CPNE8: variants seen among roughly 807,000 people sequenced by gnomAD.
CPNE8 encodes copine 8, also known as copine-8.
Under a neutral mutation model 81.5 loss-of-function variants are expected in CPNE8, and 45 were observed. The ratio of observed to expected loss-of-function variants is 0.55; its 90% confidence interval spans 0.44 to 0.71. CPNE8 has a LOEUF of 0.71. Among genes scored for constraint, CPNE8 ranks in the 30% least tolerant of loss-of-function variants. CPNE8 has a pLI of 0.00. For missense variants in CPNE8, 594 were observed against 672.1 expected, an observed-to-expected ratio of 0.88 and a Z score of 1.28; for synonymous variants, 252 against 226.3, an observed-to-expected ratio of 1.11 and a Z score of -1.02.
intron 3 of CPNE8, among the ~76,000 whole-genome samples, chr12:38,855,411 C>A (rs1183620399): frequency 3.3e-5 from 5 of 151,980 alleles, no homozygotes; most frequent in Non-Finnish European, 7.4e-5. Flanking sequence ...TCCCATATAG[C>A]CAAAGTAACC....
chr12:38,838,198 A>G (rs1272088521), intron 5 of CPNE8, among the ~76,000 whole-genome samples: 1 of 152,144 alleles, frequency 6.6e-6, no homozygotes, highest in African/African-American at 2.4e-5. Context: ...CAGAAACTAT[A>G]TTCAGGGAGA....
In CPNE8 at chr12:38,834,105, T is replaced by A. The variant is rs547198259; in HGVS notation, c.331-4650A>T. Among the ~76,000 whole-genome samples, 18 of 151,980 alleles carry A rather than the reference T, an allele frequency of 1.2e-4. No individual in the cohort carries two copies. The South Asian group carries it at 3.1e-3, about 26-fold the overall frequency. On this transcript the variant is annotated intron_variant, in intron 5 of 19. Transcript: ENST00000331366. ...AGTGTGGATGAAAGCCATTGGAGGG[T>A]TTAAACTGGAAAGCGACATGTCCTA...
chr12:38,792,630 A>T (rs1167613133), intron 6 of CPNE8, among the ~76,000 whole-genome samples: 2 of 151,828 alleles, frequency 1.3e-5, no homozygotes, highest in African/African-American at 4.8e-5. Flanking sequence ...CAATGGTTCA[A>T]CTACAGAATC....
intron 1 of CPNE8, among the ~76,000 whole-genome samples, chr12:38,901,175 C>T (rs1459704139): frequency 1.3e-5 from 2 of 152,112 alleles, no homozygotes; most frequent in Admixed American, 6.5e-5. Flanking sequence ...GAGCAGAGAT[C>T]GCACCACTGC....
At chr12:38,798,370 C>T (rs1242758244) in intron 6 of CPNE8, among the ~76,000 whole-genome samples, 1 of 152,102 alleles carries the variant, frequency 6.6e-6, no homozygotes, top group Non-Finnish European at 1.5e-5. Flanking sequence ...ACTCTACAAG[C>T]CAGAAGACAG....
intron 11 of CPNE8, among the ~76,000 whole-genome samples, chr12:38,729,729 G>C (rs1362136248): frequency 6.6e-6 from 1 of 151,986 alleles, no homozygotes; most frequent in Non-Finnish European, 1.5e-5. Context: ...GAATAACAGT[G>C]CTAGAACATA....
chr12:38,821,910 C>T (rs1053317540), intron 6 of CPNE8, among the ~76,000 whole-genome samples: 1 of 152,174 alleles, frequency 6.6e-6, no homozygotes, highest in African/African-American at 2.4e-5. Flanking sequence ...ACCTCAGAAG[C>T]TTGTGTATAA....
At position 38,905,487 on chromosome 12, in the gene CPNE8, C is replaced by T. The variant is rs1412313016; in HGVS notation, c.48G>A (p.Gln16=). The change falls in exon 1 of 20, where the codon CAG becomes CAA. Residue 16 remains glutamine (Q), a synonymous_variant. Transcript: ENST00000331366. ...NSTAGIGDLN[Q]LSAAIPATRV... is the part of the protein sequence containing the mutation. ...GCGTGGCCGGGATGGCAGCGCTCAGCTGGTTCAAGTCCCCGATGCCCGCAG... is the reference window on the plus strand; with the variant it reads ...GCGTGGCCGGGATGGCAGCGCTCAGTTGGTTCAAGTCCCCGATGCCCGCAG... 1.3e-6 allele frequency: 2 copies of T among 1,576,790 alleles called. No individual in the cohort carries two copies. Among genetic ancestry groups the T allele is most frequent in the African/African-American group, 1.3e-5 (1 of 74,428 alleles).
At chr12:38,878,166 C>T (rs1944094943) in intron 1 of CPNE8, among the ~76,000 whole-genome samples, 1 of 152,184 alleles carries the variant, frequency 6.6e-6, no homozygotes, top group Non-Finnish European at 1.5e-5. Flanking sequence ...AATGGGCAAC[C>T]AGCAGCCCTC....
intron 3 of CPNE8, among the ~76,000 whole-genome samples, chr12:38,849,167 T>A (rs550322919): frequency 8.5e-5 from 13 of 152,090 alleles, no homozygotes. Context: ...CAACAATCAG[T>A]TGTTTCTGAT....
Position 38,762,190 on chromosome 12 carries a change from A to G in CPNE8, c.602T>C (p.Val201Ala). 1 of 1,601,660 alleles carries G rather than the reference A, an allele frequency of 6.2e-7. No individual in the cohort carries two copies. The part of the protein sequence containing the change: ...GSFTICHKTE[V>A]VKNTLNPVWQ... ...TACTGGATTTAGAGTGTTTTTGACA[A>G]CTTCTGTCTTGTGACAAATTGTAAA... is the stretch of plus-strand genomic sequence containing the variant. Residue 201 changes from valine (V) to alanine (A), a missense_variant, in exon 9 of 20, where the codon GTT becomes GCT. Val to Ala is a moderately conservative substitution (Grantham distance 64, BLOSUM62 0). Coordinates refer to ENST00000331366, the MANE Select transcript of CPNE8 (RefSeq NM_153634.3).
intron 5 of CPNE8, among the ~76,000 whole-genome samples, chr12:38,837,621 CAG>C (rs1943405770): frequency 6.6e-6 from 1 of 151,880 alleles, no homozygotes; most frequent in Admixed American, 6.6e-5. Flanking sequence ...AATGGGTAAA[CAG>C]GGAGGCTGGA....
At chr12:38,786,355 C>A (rs192626568) in intron 6 of CPNE8, among the ~76,000 whole-genome samples, 1 of 152,056 alleles carries the variant, frequency 6.6e-6, no homozygotes. Context: ...GCAGACCCAC[C>A]CTTACTCTGG....
Position 38,852,608 on chromosome 12 carries a change from A to G in CPNE8, c.187-3946T>C, listed in dbSNP as rs1304407034. 2.0e-5 allele frequency among the ~76,000 whole-genome samples: 3 copies of G among 152,026 alleles called. No homozygotes were observed. In the East Asian group the frequency reaches 5.8e-4, roughly 29 times the overall value. On this transcript the variant is annotated intron_variant, in intron 3 of 19. Coordinates refer to ENST00000331366, the MANE Select transcript of CPNE8 (RefSeq NM_153634.3). ...CAAGAGTGAAACTCCATCTCAAAAAATAAAAATAAAAATAAAATGTTTATG... is the reference window on the plus strand; with the variant it reads ...CAAGAGTGAAACTCCATCTCAAAAAGTAAAAATAAAAATAAAATGTTTATG...
intron 1 of CPNE8, among the ~76,000 whole-genome samples, chr12:38,902,058 C>T (rs891893037): frequency 1.3e-5 from 2 of 151,282 alleles, no homozygotes; most frequent in South Asian, 2.1e-4. Flanking sequence ...AAGCTTCAAT[C>T]GTTTATCTTT....
At position 38,690,434 on chromosome 12, in the gene CPNE8, G is replaced by A. The variant is rs141931492; in HGVS notation, c.1143+3223C>T. Among the ~76,000 whole-genome samples the A allele has an allele frequency of 7.2e-5, 11 of 152,122 alleles. No individual in the cohort carries two copies. The East Asian group carries it at 1.2e-3, about 16-fold the overall frequency. On this transcript the variant is annotated intron_variant, in intron 15 of 19. Transcript: ENST00000331366. The stretch of plus-strand genomic sequence containing the variant: ...AAAAATTAAAGTAATATAATCATTC[G>A]GTAATATTAAAGTTGAGGCATTATC...
chr12:38,746,839 T>A (rs193189740), intron 10 of CPNE8, among the ~76,000 whole-genome samples: 1 of 152,154 alleles, frequency 6.6e-6, no homozygotes, highest in Non-Finnish European at 1.5e-5. Flanking sequence ...ATCCTATATA[T>A]AAAAAAGAGA....
chr12:38,760,430 G>GGTGT (rs1187317141), intron 10 of CPNE8, among the ~76,000 whole-genome samples: 1 of 31,234 alleles, frequency 3.2e-5, no homozygotes, highest in African/African-American at 1.4e-4. Flanking sequence ...TTTGTTGTAT[G>GGTGT]GTGTGTATAT....
intron 10 of CPNE8, among the ~76,000 whole-genome samples, chr12:38,734,972 C>T (rs1243891911): frequency 6.6e-6 from 1 of 151,958 alleles, no homozygotes; most frequent in Non-Finnish European, 1.5e-5. Context: ...TGGAGTACAC[C>T]GCAGTGTAAC....
Sources: allele counts gnomAD v4.1 joint callset (sites outside exome capture counted in the v4.1 genomes callset), GRCh38; gene constraint gnomAD v4.1.1; transcripts MANE v1.5; gene names NCBI Gene and HGNC (gene_info 2026-07-23, HGNC 2026-07-21).